Variants in KCNIP4 observed in about 807,000 individuals in gnomAD.
The protein encoded by KCNIP4 is Kv channel-interacting protein 4.
KCNIP4 carries 12 observed loss-of-function variants against 34.0 expected under a neutral mutation model. The observed-to-expected ratio is 0.35, with a 90% CI of 0.23 to 0.57. The LOEUF is 0.57. Among genes scored for constraint, KCNIP4 ranks in the 20% least tolerant of loss-of-function variants. The pLI is 0.83. For synonymous variants in KCNIP4, 124 were observed against 102.2 expected (o/e 1.21, Z -1.29); for missense variants, 238 against 311.7 (o/e 0.76, Z 1.78).
intron 1 of KCNIP4, among the ~76,000 whole-genome samples, chr4:21,505,272 GAAA>G (rs5856639): frequency 6.9e-6 from 1 of 145,140 alleles, no homozygotes. Context: ...AGTACTACAG[GAAA>G]AAAAAAAAAA....
intron 1 of KCNIP4, among the ~76,000 whole-genome samples, chr4:21,565,845 T>C (rs995204113): frequency 3.3e-5 from 5 of 152,014 alleles, no homozygotes; most frequent in African/African-American, 1.2e-4. Flanking sequence ...GATTAGACCA[T>C]GGGGAAAACT....
intron 1 of KCNIP4, among the ~76,000 whole-genome samples, chr4:21,907,424 A>G (rs1224909803): frequency 6.6e-6 from 1 of 152,180 alleles, no homozygotes; most frequent in Non-Finnish European, 1.5e-5. Flanking sequence ...CTCCAGAACT[A>G]CTAGCCAAAA....
chr4:21,103,554 C>A (rs1192941479), intron 1 of KCNIP4, among the ~76,000 whole-genome samples: 1 of 150,612 alleles, frequency 6.6e-6, no homozygotes, highest in African/African-American at 2.4e-5. Flanking sequence ...TTCAATGTAG[C>A]GAAGTTTTTG....
chr4:21,180,585 A>G (rs1386402682), intron 1 of KCNIP4, among the ~76,000 whole-genome samples: 2 of 151,552 alleles, frequency 1.3e-5, no homozygotes, highest in Non-Finnish European at 2.9e-5. Flanking sequence ...TCTTTCTTTC[A>G]TTATCTGGGT....
chr4:21,469,716 C>T (rs1367544272), intron 1 of KCNIP4, among the ~76,000 whole-genome samples: 1 of 152,032 alleles, frequency 6.6e-6, no homozygotes, highest in East Asian at 1.9e-4. Flanking sequence ...ATTCTCTAAA[C>T]TTCAAAGATA....
At chr4:21,133,121 G>C (rs183552898) in intron 1 of KCNIP4, among the ~76,000 whole-genome samples, 151 of 152,258 alleles carry the variant, frequency 9.9e-4, no homozygotes, top group Admixed American at 1.3e-3. Flanking sequence ...CACATGCTAA[G>C]ATTTCCCTTC....
intron 3 of KCNIP4, among the ~76,000 whole-genome samples, chr4:20,838,061 C>A (rs747455619): frequency 6.6e-6 from 1 of 152,044 alleles, no homozygotes; most frequent in African/African-American, 2.4e-5. Flanking sequence ...TAAAGTTGAT[C>A]CACATAGCAG....
At chr4:21,875,513 T>C (rs1726059727) in intron 1 of KCNIP4, among the ~76,000 whole-genome samples, 1 of 152,330 alleles carries the variant, frequency 6.6e-6, no homozygotes, top group African/African-American at 2.4e-5. Flanking sequence ...CTGTGAGTTG[T>C]ATTAGGCATT....
At chr4:21,659,357 A>G (rs1748245498) in intron 1 of KCNIP4, among the ~76,000 whole-genome samples, 1 of 152,164 alleles carries the variant, frequency 6.6e-6, no homozygotes, top group Admixed American at 6.5e-5. Flanking sequence ...CTCTTTATTC[A>G]TACTCCTGGA....
intron 3 of KCNIP4, among the ~76,000 whole-genome samples, chr4:20,794,956 GA>G (rs1429947898): frequency 1.3e-5 from 2 of 152,172 alleles, no homozygotes; most frequent in African/African-American, 4.8e-5. Flanking sequence ...TAATCTTCAG[GA>G]AAGCAGAAAC....
At chr4:21,353,200 A>C (rs867898702) in intron 1 of KCNIP4, among the ~76,000 whole-genome samples, 5 of 152,234 alleles carry the variant, frequency 3.3e-5, no homozygotes, top group African/African-American at 7.2e-5. Context: ...AAACCAGAGC[A>C]GAAAAGCTGA....
intron 1 of KCNIP4, among the ~76,000 whole-genome samples, chr4:21,888,052 G>C (rs1451322272): frequency 6.6e-6 from 1 of 151,866 alleles, no homozygotes; most frequent in African/African-American, 2.4e-5. Flanking sequence ...TCATTTTATT[G>C]TCACAACAAC....
intron 1 of KCNIP4, among the ~76,000 whole-genome samples, chr4:21,095,794 G>A (rs16870359): frequency 0.14 from 21,993 of 151,986 alleles, 1,663 homozygotes; most frequent in South Asian, 0.19. Flanking sequence ...GGGGAGCTCG[G>A]AAAAGGCAGG....
At chr4:21,316,718 G>C (rs1289394702) in intron 1 of KCNIP4, among the ~76,000 whole-genome samples, 2 of 152,144 alleles carry the variant, frequency 1.3e-5, no homozygotes, top group African/African-American at 4.8e-5. Context: ...GGAAAATCCA[G>C]AGTTATTTTA....
chr4:21,186,754 C>G lies in KCNIP4; in HGVS notation c.62-304045G>C, dbSNP rs956833635. On this transcript the variant is annotated intron_variant, in intron 1 of 8. Coordinates refer to ENST00000382152, the MANE Select transcript of KCNIP4 (RefSeq NM_025221.6). ...TCACCTGCCACGCTCAAGCAATCCTCTCACCTCAGTCTCCCAAGTAGCTGG... is the reference window on the plus strand; with the variant it reads ...TCACCTGCCACGCTCAAGCAATCCTGTCACCTCAGTCTCCCAAGTAGCTGG... Among the ~76,000 whole-genome samples the G allele has an allele frequency of 2.6e-5, 4 of 152,328 alleles. No individual in the cohort carries two copies. The East Asian group carries it at 7.7e-4, about 29-fold the overall frequency.
chr4:20,797,724 TA>T (rs528567130), intron 3 of KCNIP4, among the ~76,000 whole-genome samples: 20 of 152,174 alleles, frequency 1.3e-4, no homozygotes, highest in Non-Finnish European at 2.4e-4. Flanking sequence ...AAGTGTGCAG[TA>T]CTCCAGGAGC....
At chr4:21,177,882 T>G (rs1047913595) in intron 1 of KCNIP4, among the ~76,000 whole-genome samples, 1 of 143,482 alleles carries the variant, frequency 7.0e-6, no homozygotes, top group Admixed American at 6.8e-5. Flanking sequence ...ATATATAAAA[T>G]ATAACATTTA....
At chr4:21,554,797 T>C (rs573816287) in intron 1 of KCNIP4, among the ~76,000 whole-genome samples, 1 of 152,256 alleles carries the variant, frequency 6.6e-6, no homozygotes, top group Admixed American at 6.5e-5. Context: ...CAAGCCTTCC[T>C]CCTTTTCTGA....
intron 1 of KCNIP4, among the ~76,000 whole-genome samples, chr4:21,357,951 A>C (rs1325571823): frequency 1.3e-5 from 2 of 152,232 alleles, no homozygotes; most frequent in Non-Finnish European, 2.9e-5. Flanking sequence ...TGGATTAATA[A>C]AATGTGGCAC....
Sources: gnomAD v4.1 joint callset for allele counts (sites outside exome capture counted in the v4.1 genomes callset) on GRCh38, gnomAD v4.1.1 for gene constraint, MANE v1.5 for transcripts, NCBI Gene and HGNC (gene_info 2026-07-23, HGNC 2026-07-21) for gene names.